MPRIP: variants seen among roughly 807,000 people sequenced by gnomAD.
The protein encoded by MPRIP is myosin phosphatase Rho-interacting protein.
In MPRIP, 59 loss-of-function variants were observed where a neutral mutation model predicts 234.9. That is an observed-to-expected ratio of 0.25 (90% CI 0.20 to 0.31). The LOEUF (loss-of-function observed/expected upper bound fraction) is 0.31. MPRIP is among the 10% of genes least tolerant of loss of function. MPRIP has a pLI of 1.00. For missense variants in MPRIP, 2,436 were observed against 3,071.0 expected (o/e 0.79, Z 4.89); for synonymous variants, 1,144 against 1,263.9 (o/e 0.91, Z 2.01).
chr17:17,059,860 G>A (rs896212341), intron 1 of MPRIP, among the ~76,000 whole-genome samples: 1 of 152,220 alleles, frequency 6.6e-6, no homozygotes, highest in African/African-American at 2.4e-5. Flanking sequence ...GGGCATGGCT[G>A]TTCTGAGTTC....
chr17:17,059,040 A>G (rs772766795), intron 1 of MPRIP, among the ~76,000 whole-genome samples: 2 of 152,202 alleles, frequency 1.3e-5, no homozygotes, highest in Non-Finnish European at 2.9e-5. Flanking sequence ...GTCCATTGGT[A>G]TTTCTTGTAT....
At chr17:17,057,289 G>A (rs1024368747) in intron 1 of MPRIP, among the ~76,000 whole-genome samples, 12 of 152,254 alleles carry the variant, frequency 7.9e-5, no homozygotes, top group African/African-American at 2.7e-4. Flanking sequence ...ATGAAATGCC[G>A]CCATGAGGCA....
chr17:17,048,217 T>G (rs2088419886), intron 1 of MPRIP, among the ~76,000 whole-genome samples: 1 of 152,180 alleles, frequency 6.6e-6, no homozygotes, highest in African/African-American at 2.4e-5. Context: ...GAGCTCGGTC[T>G]TGATCTCTCC....
rs1261064732 is a variant in MPRIP at position 17,167,346 on chromosome 17, A to G, written c.5755A>G (p.Lys1919Glu). The change falls in exon 16 of 24, where the codon AAG becomes GAG. Residue 1919 changes from lysine to glutamate, a missense_variant. Transcript: ENST00000651222. This position sits in a 1 kb window ranked among gnomAD's most constrained non-coding sequence, Gnocchi z 5.9. ...VERENAELKA[K>E]AAQLDHQQQC... is the part of the protein sequence containing the mutation. ...AAGGGAGAATGCAGAGCTCAAGGCCAAGGCCGCCCAGCTAGACCATCAGCA... is the reference window on the plus strand; with the variant it reads ...AAGGGAGAATGCAGAGCTCAAGGCCGAGGCCGCCCAGCTAGACCATCAGCA... 5 of 1,304,190 alleles carry G rather than the reference A, an allele frequency of 3.8e-6. No homozygotes were observed. Among genetic ancestry groups the G allele is most frequent in the Middle Eastern group, 4.3e-4 (2 of 4,698 alleles). 80.8% of individuals were successfully genotyped at this position (1,304,190 alleles called of 1,614,324 possible).
At chr17:17,152,235 G>C (rs991483693) in intron 12 of MPRIP, among the ~76,000 whole-genome samples, 2 of 152,232 alleles carry the variant, frequency 1.3e-5, no homozygotes, top group Admixed American at 1.3e-4. Flanking sequence ...AAGTTTCAAG[G>C]CTCCTCTGTC....
At chr17:17,063,100 AC>A (rs1202024828) in intron 1 of MPRIP, among the ~76,000 whole-genome samples, 2 of 152,194 alleles carry the variant, frequency 1.3e-5, no homozygotes, top group Non-Finnish European at 2.9e-5. Flanking sequence ...CTGGGTGCTG[AC>A]CAGCGTTGTC....
chr17:17,142,672 G>C lies in MPRIP; in HGVS notation c.1296G>C (p.Lys432Asn). 1 of 1,612,070 alleles carries C rather than the reference G, an allele frequency of 6.2e-7. No individual in the cohort carries two copies. Among genetic ancestry groups the C allele is most frequent in the South Asian group, 1.1e-5 (1 of 91,002 alleles). The change falls in exon 8 of 24, where the codon AAG becomes AAC. Residue 432 changes from lysine to asparagine, a missense_variant. Coordinates refer to ENST00000651222, the MANE Select transcript of MPRIP (RefSeq NM_001364716.4). Reference protein sequence around the residue: ...IEKFEALDIEKAEHMETNAVG... With the variant: ...IEKFEALDIENAEHMETNAVG... ...AGTTTGAGGCCTTGGACATTGAGAA[G>C]GCAGAGCACATGGAGACCAATGCAG...
chr17:17,126,958 G>T, intron 4 of MPRIP, 105 bp downstream of exon 4: 2 of 1,368,504 alleles, frequency 1.5e-6, no homozygotes, highest in Non-Finnish European at 2.0e-6. Context: ...CTACTTCCCC[G>T]TGTGCCTCTA....
intron 3 of MPRIP, among the ~76,000 whole-genome samples, chr17:17,093,959 C>T (rs1362909955): frequency 1.3e-5 from 2 of 152,172 alleles, no homozygotes; most frequent in African/African-American, 2.4e-5. Context: ...CAGAGCTGGC[C>T]GTCCTCACGT....
At chr17:17,095,995 T>TC (rs138116019) in intron 3 of MPRIP, among the ~76,000 whole-genome samples, 29 of 151,456 alleles carry the variant, frequency 1.9e-4, no homozygotes, top group African/African-American at 4.9e-4. Flanking sequence ...AGTTTATACC[T>TC]CCCCCCCACA....
intron 1 of MPRIP, among the ~76,000 whole-genome samples, chr17:17,070,090 C>T (rs940712784): frequency 5.3e-5 from 8 of 152,142 alleles, no homozygotes; most frequent in African/African-American, 1.7e-4. Flanking sequence ...CTTCTGGTCT[C>T]CATGGTTCCT....
intron 1 of MPRIP, among the ~76,000 whole-genome samples, chr17:17,074,068 G>A (rs963690727): frequency 6.6e-6 from 1 of 152,226 alleles, no homozygotes; most frequent in Non-Finnish European, 1.5e-5. Context: ...TGTGGCCTCT[G>A]GCACGTGGCC....
At chr17:17,045,062 C>T (rs553428850) in intron 1 of MPRIP, among the ~76,000 whole-genome samples, 31 of 152,290 alleles carry the variant, frequency 2.0e-4, no homozygotes, top group Middle Eastern at 6.8e-3. Context: ...CTTATGGCTC[C>T]ATTAGAAAAC....
intron 4 of MPRIP, among the ~76,000 whole-genome samples, chr17:17,131,051 G>T (rs1198751753): frequency 2.0e-5 from 3 of 152,282 alleles, no homozygotes; most frequent in Admixed American, 6.5e-5. Context: ...TCTATCCAGA[G>T]TGAACTTGCC....
intron 5 of MPRIP, among the ~76,000 whole-genome samples, chr17:17,132,003 G>A (rs184605338): frequency 4.2e-4 from 64 of 152,316 alleles, no homozygotes; most frequent in Admixed American, 2.5e-3. Flanking sequence ...CTGGGGAGGG[G>A]CAGCACGGGC....
At chr17:17,154,580 A>G (rs189577665) in intron 13 of MPRIP, among the ~76,000 whole-genome samples, 165 bp downstream of exon 13, 2 of 152,324 alleles carry the variant, frequency 1.3e-5, no homozygotes, top group East Asian at 1.9e-4. Flanking sequence ...TCCTGTCCCA[A>G]GTAATCAGAA....
rs11551189 is a variant in MPRIP, at chr17:17,158,927, C to G, written c.2325C>G (p.Ala775=). The change falls in exon 14 of 24, where the codon GCC becomes GCG. Residue 775 remains alanine (A), a synonymous_variant. Transcript: ENST00000651222. ...GGGAAGAGAAGCAGGTGCCCATCGC[C>G]CCCGTCCACCTGTCTTCTGAAGATG... ...PLREEKQVPI[A]PVHLSSEDGG... is the part of the protein sequence containing the mutation. 0.53 allele frequency: 855,178 copies of G among 1,612,404 alleles called. 235,138 individuals are homozygous for G. The highest frequency in any genetic ancestry group is 0.66 in the East Asian group (29,587 of 44,848).
At chr17:17,143,524 C>G in intron 8 of MPRIP, 32 bp from the exon 9 acceptor site, 2 of 1,478,656 alleles carry the variant, frequency 1.4e-6, no homozygotes, top group African/African-American at 2.8e-5. Flanking sequence ...TTGCCCTGGG[C>G]TGCACTGACC....
At chr17:17,115,365 C>G (rs1195701289) in intron 3 of MPRIP, among the ~76,000 whole-genome samples, 1 of 152,216 alleles carries the variant, frequency 6.6e-6, no homozygotes, top group African/African-American at 2.4e-5. Context: ...AGTTAGGAAG[C>G]CTGGGCCTGA....
Sources: gnomAD v4.1 joint callset for allele counts (sites outside exome capture counted in the v4.1 genomes callset) on GRCh38, gnomAD v4.1.1 for gene constraint, Gnocchi (gnomAD v3.1) non-coding constraint, MANE v1.5 for transcripts, NCBI Gene and HGNC (gene_info 2026-07-23, HGNC 2026-07-21) for gene names.